RPL28: variants seen among roughly 807,000 people sequenced by gnomAD.
RPL28 encodes the protein large ribosomal subunit protein eL28.
A neutral mutation model predicts 12.5 loss-of-function variants in RPL28; 4 were observed. The ratio of observed to expected loss-of-function variants is 0.32; its 90% CI spans 0.16 to 0.73. RPL28 has a LOEUF of 0.73. RPL28 is among the 30% of genes least tolerant of loss of function. The probability of loss-of-function intolerance (pLI) is 0.66; values close to 1 mark genes in which losing one functional copy is unlikely to be tolerated. For missense variants in RPL28, 214 were observed against 197.7 expected, an observed-to-expected ratio of 1.08 and a Z score of -0.49; for synonymous variants, 91 against 72.5, an observed-to-expected ratio of 1.26 and a Z score of -1.30.
chr19:55,392,140 T>C (rs1261672087), downstream of RPL28: 1 of 986,054 alleles, frequency 1.0e-6, no homozygotes, highest in East Asian at 1.1e-4. Context: ...GAAAGAAGAG[T>C]ATGCAGGGGA....
At chr19:55,397,323 T>G (rs1446177185) in intron 4 of RPL28, among the ~76,000 whole-genome samples, 3 of 152,252 alleles carry the variant, frequency 2.0e-5, no homozygotes, top group Non-Finnish European at 4.4e-5. Flanking sequence ...GTTTGTGCTG[T>G]ATGGTATTGT....
At chr19:55,397,964 G>A (rs2090034661) in intron 4 of RPL28, among the ~76,000 whole-genome samples, 1 of 152,136 alleles carries the variant, frequency 6.6e-6, no homozygotes, top group African/African-American at 2.4e-5. Flanking sequence ...GGGAGGCCGA[G>A]GCAGGCGGAT....
chr19:55,393,442 T>C (rs1871792347), downstream of RPL28, among the ~76,000 whole-genome samples: 1 of 152,050 alleles, frequency 6.6e-6, no homozygotes, highest in South Asian at 2.1e-4. Flanking sequence ...AAAGGTATAA[T>C]TCACGTAACA....
intron 4 of RPL28, among the ~76,000 whole-genome samples, chr19:55,402,513 AAG>A (rs1254889510): frequency 6.6e-6 from 1 of 152,164 alleles, no homozygotes; most frequent in African/African-American, 2.4e-5. Flanking sequence ...GGATCCTCTG[AAG>A]TGGGTCTGGG....
At position 55,390,298 on chromosome 19, in the gene RPL28, G is replaced by T; in HGVS notation, c.*1966G>T. The T allele has an allele frequency of 1.3e-6, 1 of 789,682 alleles. No homozygotes were observed. The highest frequency in any genetic ancestry group is 1.5e-6 in the Non-Finnish European group (1 of 651,670). 48.9% of individuals were successfully genotyped at this position (789,682 alleles called of 1,614,324 possible). On this transcript the variant is annotated 3_prime_UTR_variant, in exon 5 of 5. Transcript: ENST00000344063. Reference sequence around the variant, plus strand: ...TGGCTCACTGCAGCCTCCACCTCCTGGGTTCAAGCGATTCTCCTGCCTCAG... The same window carrying T: ...TGGCTCACTGCAGCCTCCACCTCCTTGGTTCAAGCGATTCTCCTGCCTCAG...
downstream of RPL28, among the ~76,000 whole-genome samples, chr19:55,392,694 A>G (rs1468705046): frequency 6.6e-6 from 1 of 151,566 alleles, no homozygotes; most frequent in African/African-American, 2.4e-5. Flanking sequence ...GCCCGGCTAA[A>G]TGTTTTTTGT....
In RPL28 at chr19:55,387,619, G is replaced by A. The variant is rs927343369; in HGVS notation, c.206-311G>A. 6 of 1,393,804 alleles carry A rather than the reference G, an allele frequency of 4.3e-6. No homozygotes were observed. The African/African-American group carries it at 7.3e-5, about 17-fold the overall frequency. 86.3% of individuals were successfully genotyped at this position (1,393,804 alleles called of 1,614,324 possible). A position where few individuals can be genotyped will look rare whatever the true frequency, so the allele number is the denominator to read the frequency against. ...GCTGTTCATACCCATTGCCAGGAGC[G>A]TGGGCTCTGGCTGGACCTGGATCAG... On this transcript the variant is annotated intron_variant, in intron 3 of 4. Transcript: ENST00000344063.
chr19:55,389,208 G>A lies in RPL28; in HGVS notation c.*876G>A. 1.1e-6 allele frequency: 1 copy of A among 951,252 alleles called. No homozygotes were observed. Among genetic ancestry groups the A allele is most frequent in the Non-Finnish European group, 1.3e-6 (1 of 798,800 alleles). The allele number at this position is 951,252 out of a possible 1,614,324, so 58.9% of individuals were successfully genotyped here. On this transcript the variant is annotated 3_prime_UTR_variant, in exon 5 of 5. Coordinates refer to ENST00000344063, the MANE Select transcript of RPL28 (RefSeq NM_000991.5). The stretch of plus-strand genomic sequence containing the variant: ...CCGTCTCTAAAATAAAATTAGCTGG[G>A]TGTGGTGGTGCACCGCCTGTGGTCC...
intron 1 of RPL28, 113 bp from the exon 2 acceptor site, chr19:55,386,237 A>T (rs1412191599): frequency 1.0e-5 from 10 of 970,332 alleles, no homozygotes; most frequent in Non-Finnish European, 1.6e-5. Flanking sequence ...GGGGTCTCCC[A>T]TTCACCCAAG....
rs972802534 is a variant in RPL28, at chr19:55,391,575, T to C, written c.*3243T>C. The C allele has an allele frequency of 6.5e-7, 1 of 1,544,964 alleles. No individual in the cohort carries two copies. The highest frequency in any genetic ancestry group is 8.8e-7 in the Non-Finnish European group (1 of 1,141,614). On this transcript the variant is annotated 3_prime_UTR_variant, in exon 5 of 5. Transcript: ENST00000344063. Reference sequence around the variant, plus strand: ...ACAGGACATGCTGGCATCTACTGGGTCAGGGCTCTGCTGCTCGGTGGCTGT... The same window carrying C: ...ACAGGACATGCTGGCATCTACTGGGCCAGGGCTCTGCTGCTCGGTGGCTGT...
intron 4 of RPL28, among the ~76,000 whole-genome samples, chr19:55,398,874 A>G (rs1025332442): frequency 2.0e-5 from 3 of 151,782 alleles, no homozygotes. Flanking sequence ...GCTGATTTTT[A>G]TATTTTTAGT....
chr19:55,387,226 C>G (rs2089940114), intron 3 of RPL28: 1 of 1,489,314 alleles, frequency 6.7e-7, no homozygotes, highest in South Asian at 1.2e-5. Flanking sequence ...AGTCGGGGGT[C>G]TCTAATGGAG....
chr19:55,401,875 C>G, intron 4 of RPL28: 1 of 1,133,668 alleles, frequency 8.8e-7, no homozygotes, highest in Non-Finnish European at 1.3e-6. Context: ...AACTCAGCTG[C>G]AGATCCAGGC....
downstream of RPL28, among the ~76,000 whole-genome samples, chr19:55,395,145 T>G (rs996483179): frequency 6.6e-6 from 1 of 152,080 alleles, no homozygotes; most frequent in African/African-American, 2.4e-5. Flanking sequence ...TTTATTTATT[T>G]ATTTTTTTGA....
intron 3 of RPL28, 159 bp downstream of exon 3, chr19:55,386,852 T>C (rs1462452700): frequency 6.4e-7 from 1 of 1,558,280 alleles, no homozygotes; most frequent in South Asian, 1.2e-5. Context: ...TCGGCCGACT[T>C]GTCAGCTCTG....
rs1185770780 is a variant in RPL28, at chr19:55,387,976, G to A, written c.252G>A (p.Lys84=). The part of the protein sequence containing the change: ...ATSYVRTTIN[K]NARATLSSIR... ...CCTATGTGCGGACCACCATCAACAA[G>A]AATGCTCGCGCCACGCTCAGCAGCA... The change falls in exon 4 of 5, where the codon AAG becomes AAA. Residue 84 remains lysine, a synonymous_variant. Coordinates refer to ENST00000344063, the MANE Select transcript of RPL28 (RefSeq NM_000991.5). 6.2e-7 allele frequency: 1 copy of A among 1,608,056 alleles called. No individual in the cohort carries two copies. The highest frequency in any genetic ancestry group is 8.5e-7 in the Non-Finnish European group (1 of 1,177,094).
Position 55,389,817 on chromosome 19 carries a change from C to A in RPL28, c.*1485C>A. 1 of 984,846 alleles carries A rather than the reference C, an allele frequency of 1.0e-6. No individual in the cohort carries two copies. The highest frequency in any genetic ancestry group is 1.2e-6 in the Non-Finnish European group (1 of 829,458). 61.0% of individuals were successfully genotyped at this position (984,846 alleles called of 1,614,324 possible). ...GGGTGACTTGGTACCTGCTCAGGAC[C>A]CCCCGCACTGTCCCAATCCCACTCA... On this transcript the variant is annotated 3_prime_UTR_variant, in exon 5 of 5. Coordinates refer to ENST00000344063, the MANE Select transcript of RPL28 (RefSeq NM_000991.5).
downstream of RPL28, among the ~76,000 whole-genome samples, chr19:55,393,257 C>A (rs772669469): frequency 1.7e-3 from 178 of 105,668 alleles, 4 homozygotes; most frequent in Non-Finnish European, 2.3e-3. Context: ...CCCCCCCCCC[C>A]CCGACCCCCA....
In RPL28 at chr19:55,388,285, C is replaced by T. The variant is rs774324553; in HGVS notation, c.367C>T (p.Pro123Ser). Residue 123 changes from proline (P) to serine (S), a missense_variant, in exon 5 of 5, where the codon CCT (proline) becomes TCT (serine). Pro to Ser is a moderately conservative substitution (Grantham distance 74). Transcript: ENST00000344063. ...CAGCGCCATCCTGCGCAGCCAGAAG[C>T]CTGTGATGGTGAAGAGGAAGCGGAC... ...RASAILRSQKPVMVKRKRTRP... is the reference protein window; with the variant it reads ...RASAILRSQKSVMVKRKRTRP... 6.9e-6 allele frequency: 11 copies of T among 1,585,428 alleles called. No individual in the cohort carries two copies. Among genetic ancestry groups the T allele is most frequent in the African/African-American group, 6.8e-5 (5 of 74,056 alleles).
Sources: allele counts gnomAD v4.1 joint callset (sites outside exome capture counted in the v4.1 genomes callset), GRCh38; gene constraint gnomAD v4.1.1; transcripts MANE v1.5; gene names NCBI Gene and HGNC (gene_info 2026-07-23, HGNC 2026-07-21).